The following ATP11A variants were observed in gnomAD, a reference collection of about 807,000 sequenced individuals.
ATP11A encodes the protein phospholipid-transporting ATPase IH.
A neutral mutation model predicts 154.4 loss-of-function variants in ATP11A; 81 were observed. That is an observed-to-expected ratio of 0.52 (90% confidence interval 0.44 to 0.63). The LOEUF (loss-of-function observed/expected upper bound fraction) is 0.63. ATP11A is among the 30% of genes least tolerant of loss of function. The pLI, the probability that ATP11A is intolerant of heterozygous loss-of-function variation, is 0.00. For missense variants in ATP11A, 1,316 were observed against 1,474.3 expected (o/e 0.89, Z 1.76); for synonymous variants, 623 against 585.9 (o/e 1.06, Z -0.91).
chr13:112,842,428 T>C, intron 17 of ATP11A, 49 bp downstream of exon 17: 1 of 1,325,518 alleles, frequency 7.5e-7, no homozygotes, highest in South Asian at 1.2e-5. Context: ...TCCCCTGCTG[T>C]CAGGAAGGAA....
intron 12 of ATP11A, among the ~76,000 whole-genome samples, chr13:112,829,143 C>T (rs2079025000): frequency 1.3e-5 from 2 of 152,196 alleles, no homozygotes; most frequent in African/African-American, 4.8e-5. Context: ...GCACGAGTGC[C>T]TTGGAACACA....
In ATP11A at chr13:112,843,427, T is replaced by A. The variant is rs184148475; in HGVS notation, c.1809+1048T>A. ...CGACACCACCCTGGGGTCTTCTCCC[T>A]CACTCCAGCCCAGGGCAGCACCTCC... On this transcript the variant is annotated intron_variant, in intron 17 of 29. Coordinates refer to ENST00000375645, the MANE Select transcript of ATP11A (RefSeq NM_015205.3). Among the ~76,000 whole-genome samples the A allele has an allele frequency of 6.6e-5, 10 of 152,284 alleles. No individual in the cohort carries two copies. In the East Asian group the frequency reaches 1.9e-3, roughly 29 times the overall value.
At chr13:112,810,780 A>T in intron 5 of ATP11A, 54 bp downstream of exon 5, 1 of 1,557,258 alleles carries the variant, frequency 6.4e-7, no homozygotes, top group Non-Finnish European at 8.9e-7. Context: ...TGTTTAAAAA[A>T]TAAGTTTTAC....
chr13:112,707,734 C>T (rs538797763), intron 1 of ATP11A, among the ~76,000 whole-genome samples: 4 of 152,280 alleles, frequency 2.6e-5, no homozygotes, highest in African/African-American at 7.2e-5. Flanking sequence ...AACCATTTCT[C>T]GATCAGATTG....
intron 2 of ATP11A, among the ~76,000 whole-genome samples, chr13:112,786,659 G>A (rs570945955): frequency 6.9e-5 from 10 of 145,334 alleles, no homozygotes; most frequent in Non-Finnish European, 1.0e-4. Flanking sequence ...CAGGTAATGC[G>A]GAACGCACGT....
chr13:112,853,227 T>A (rs1295842891), intron 18 of ATP11A, among the ~76,000 whole-genome samples: 1 of 151,954 alleles, frequency 6.6e-6, no homozygotes, highest in Non-Finnish European at 1.5e-5. Context: ...GTTCTCTTGC[T>A]CGCTCTCTTT....
At chr13:112,812,350 CT>C in intron 5 of ATP11A, among the ~76,000 whole-genome samples, 1 of 152,326 alleles carries the variant, frequency 6.6e-6, no homozygotes, top group East Asian at 1.9e-4. Flanking sequence ...CTGCCTGGCT[CT>C]TTCCAACTCC....
intron 1 of ATP11A, among the ~76,000 whole-genome samples, chr13:112,772,601 C>G (rs958183669): frequency 1.3e-5 from 2 of 152,056 alleles, no homozygotes; most frequent in Non-Finnish European, 2.9e-5. Context: ...AATGAAACCC[C>G]GTGCCCAGTA....
In ATP11A at chr13:112,875,408, G is replaced by C. The variant is rs2080688694; in HGVS notation, c.3162-368G>C. On this transcript the variant is annotated intron_variant, in intron 27 of 29. Coordinates refer to ENST00000375645, the MANE Select transcript of ATP11A (RefSeq NM_015205.3). The surrounding 1 kb of genome is among the most constrained non-coding windows in gnomAD (Gnocchi z 4.1). ...AAGTCATTGCTTGCTCTGTACTGACGACCAGTGCTCGGGACGTCCTTCCCA... is the reference window on the plus strand; with the variant it reads ...AAGTCATTGCTTGCTCTGTACTGACCACCAGTGCTCGGGACGTCCTTCCCA... Among the ~76,000 whole-genome samples the C allele has an allele frequency of 1.3e-5, 2 of 151,940 alleles. No homozygotes were observed. The highest frequency in any genetic ancestry group is 1.3e-4 in the Admixed American group (2 of 15,262).
At chr13:112,872,919 C>T (rs113774892) in intron 26 of ATP11A, among the ~76,000 whole-genome samples, 19 of 21,956 alleles carry the variant, frequency 8.7e-4, no homozygotes, top group East Asian at 1.6e-3. Flanking sequence ...TCTTCCTGAG[C>T]GGTGTGAGGT....
chr13:112,730,384 G>C (rs370525660), intron 1 of ATP11A, among the ~76,000 whole-genome samples: 16 of 152,236 alleles, frequency 1.1e-4, no homozygotes, highest in East Asian at 7.7e-4. Flanking sequence ...TCCTGGCATG[G>C]AACAGTTTGT....
chr13:112,875,059 G>A lies in ATP11A; in HGVS notation c.3162-717G>A, dbSNP rs181379354. Among the ~76,000 whole-genome samples the A allele has an allele frequency of 1.3e-4, 20 of 152,270 alleles. No homozygotes were observed. Among genetic ancestry groups the A allele is most frequent in the Admixed American group, 7.8e-4 (12 of 15,302 alleles). The stretch of plus-strand genomic sequence containing the variant: ...TCCTCCTGCCCGCCACCAGCACCAC[G>A]TGGGTGCCCCCAGCCCCATCCCAGG... On this transcript the variant is annotated intron_variant, in intron 27 of 29. Transcript: ENST00000375645. The surrounding 1 kb of genome is among the most constrained non-coding windows in gnomAD (Gnocchi z 4.1).
At chr13:112,703,264 A>T (rs1407398116) in intron 1 of ATP11A, 1 of 152,118 alleles carries the variant, frequency 6.6e-6, no homozygotes, top group Non-Finnish European at 1.5e-5. Flanking sequence ...AGGCGGGGAG[A>T]GAACTCTCTC....
At chr13:112,732,569 A>C (rs998240094) in intron 1 of ATP11A, among the ~76,000 whole-genome samples, 2 of 152,080 alleles carry the variant, frequency 1.3e-5, no homozygotes, top group Non-Finnish European at 2.9e-5. Context: ...AAATAAAAGC[A>C]CTTACAAATT....
intron 25 of ATP11A, among the ~76,000 whole-genome samples, chr13:112,867,414 C>T (rs901065429): frequency 6.6e-6 from 1 of 152,170 alleles, no homozygotes; most frequent in Admixed American, 6.5e-5. Flanking sequence ...CCCAAGAGCC[C>T]CCGGAGATGG....
At chr13:112,834,745 C>A in intron 15 of ATP11A, 85 bp downstream of exon 15, 1 of 1,122,634 alleles carries the variant, frequency 8.9e-7, no homozygotes, top group Non-Finnish European at 1.3e-6. Context: ...AGGGAAAAGA[C>A]AAGTTCTCTA....
rs535428967 is a variant in ATP11A at position 112,812,886 on chromosome 13, A to G, written c.441+2160A>G. Reference sequence around the variant, plus strand: ...CCTGTGTCAGCAGGCATCCGGTCCCAGGCCTTCAACGCCATTTCCTTTAAT... The same window carrying G: ...CCTGTGTCAGCAGGCATCCGGTCCCGGGCCTTCAACGCCATTTCCTTTAAT... On this transcript the variant is annotated intron_variant, in intron 5 of 29. Coordinates refer to ENST00000375645, the MANE Select transcript of ATP11A (RefSeq NM_015205.3). Among the ~76,000 whole-genome samples the G allele has an allele frequency of 2.0e-5, 3 of 152,346 alleles. No homozygotes were observed. The East Asian group carries it at 5.8e-4, about 29-fold the overall frequency.
intron 15 of ATP11A, among the ~76,000 whole-genome samples, chr13:112,835,701 T>C (rs1004094861): frequency 3.3e-5 from 5 of 152,220 alleles, no homozygotes; most frequent in Admixed American, 3.3e-4. Context: ...ACACTTCCGA[T>C]GCTCCAGACG....
At chr13:112,873,836 G>A (rs549217085) in intron 27 of ATP11A, among the ~76,000 whole-genome samples, 160 bp downstream of exon 27, 1 of 105,582 alleles carries the variant, frequency 9.5e-6, no homozygotes, top group African/African-American at 2.6e-5. Context: ...CTGGGATACA[G>A]TCGGGGGCAA....
Sources: gnomAD v4.1 joint callset for allele counts (sites outside exome capture counted in the v4.1 genomes callset) on GRCh38, gnomAD v4.1.1 for gene constraint, Gnocchi (gnomAD v3.1) non-coding constraint, MANE v1.5 for transcripts, NCBI Gene and HGNC (gene_info 2026-07-23, HGNC 2026-07-21) for gene names.